Variants in EDIL3 observed in about 807,000 individuals in gnomAD.
The protein encoded by EDIL3 is EGF-like repeat and discoidin I-like domain-containing protein 3.
A neutral mutation model predicts 67.4 loss-of-function variants in EDIL3; 37 were observed. The observed-to-expected ratio is 0.55, with a 90% CI of 0.42 to 0.72. The LOEUF (loss-of-function observed/expected upper bound fraction) is 0.72, where lower values mean the gene tolerates loss of function less well. EDIL3 is among the 30% of genes least tolerant of loss of function. The pLI is 0.00. For missense variants in EDIL3, 527 were observed against 586.3 expected (o/e 0.90, Z 1.04); for synonymous variants, 195 against 196.3 (o/e 0.99, Z 0.05).
chr5:84,048,117 A>G (rs1306618563), intron 9 of EDIL3: 2 of 306,732 alleles, frequency 6.5e-6, no homozygotes, highest in African/African-American at 4.5e-5. Context: ...TACAAGTTTC[A>G]TTACTTGACC....
At chr5:83,989,831 C>G (rs539034484) in intron 9 of EDIL3, among the ~76,000 whole-genome samples, 26 of 152,236 alleles carry the variant, frequency 1.7e-4, no homozygotes, top group Admixed American at 9.8e-4. Flanking sequence ...CAGACTGGAG[C>G]TAGAGTTTCT....
At chr5:84,271,462 T>G in intron 1 of EDIL3, among the ~76,000 whole-genome samples, 1 of 138,528 alleles carries the variant, frequency 7.2e-6, no homozygotes, top group Non-Finnish European at 1.6e-5. Flanking sequence ...TAAATAAATA[T>G]AAAATAAAGG....
intron 1 of EDIL3, among the ~76,000 whole-genome samples, chr5:84,337,034 A>G (rs905406991): frequency 6.6e-6 from 1 of 152,160 alleles, no homozygotes; most frequent in Non-Finnish European, 1.5e-5. Context: ...TTCACTGCAC[A>G]AGAGTACACC....
At chr5:84,010,377 T>G (rs1000015828) in intron 9 of EDIL3, among the ~76,000 whole-genome samples, 16 of 152,172 alleles carry the variant, frequency 1.1e-4, no homozygotes, top group Non-Finnish European at 2.2e-4. Flanking sequence ...TTTATAACAT[T>G]TTGCTTGTGT....
At chr5:84,039,103 A>G (rs116658805) in intron 9 of EDIL3, among the ~76,000 whole-genome samples, 3,763 of 143,912 alleles carry the variant, frequency 0.026, 154 homozygotes, top group African/African-American at 0.1. Flanking sequence ...AATCCTAAAG[A>G]CTGTGTTTTT....
chr5:84,057,808 T>G (rs998017659), intron 9 of EDIL3, among the ~76,000 whole-genome samples: 1 of 152,136 alleles, frequency 6.6e-6, no homozygotes, highest in Non-Finnish European at 1.5e-5. Flanking sequence ...ATTCAACAAA[T>G]CTTTATGGAA....
intron 9 of EDIL3, among the ~76,000 whole-genome samples, chr5:83,981,143 G>A (rs1580263621): frequency 6.6e-6 from 1 of 152,000 alleles, no homozygotes; most frequent in Non-Finnish European, 1.5e-5. Flanking sequence ...AACTGATCCT[G>A]AAATTCATAT....
At chr5:84,249,657 G>A (rs549055345) in intron 2 of EDIL3, among the ~76,000 whole-genome samples, 27 of 151,942 alleles carry the variant, frequency 1.8e-4, no homozygotes, top group African/African-American at 5.6e-4. Flanking sequence ...CTTTGATTAC[G>A]TTAATATACT....
intron 4 of EDIL3, among the ~76,000 whole-genome samples, chr5:84,140,736 A>G (rs1373651921): frequency 1.3e-5 from 2 of 152,152 alleles, no homozygotes; most frequent in Non-Finnish European, 2.9e-5. Context: ...AACTACTTAA[A>G]TCTAAATTCA....
intron 2 of EDIL3, among the ~76,000 whole-genome samples, chr5:84,242,181 G>T (rs1309277364): frequency 6.6e-6 from 1 of 151,206 alleles, no homozygotes; most frequent in Non-Finnish European, 1.5e-5. Flanking sequence ...GCAGTGAGCC[G>T]AGATCACGCC....
At chr5:84,265,837 CA>C (rs1745336904) in intron 1 of EDIL3, among the ~76,000 whole-genome samples, 1 of 152,120 alleles carries the variant, frequency 6.6e-6, no homozygotes, top group African/African-American at 2.4e-5. Context: ...GAGTTCTTGA[CA>C]AGGAAAGACA....
At chr5:84,194,200 T>C (rs1244472822) in intron 3 of EDIL3, among the ~76,000 whole-genome samples, 2 of 151,930 alleles carry the variant, frequency 1.3e-5, no homozygotes, top group African/African-American at 4.8e-5. Context: ...CATGTTTTCA[T>C]ATTTACCTAG....
chr5:84,204,384 C>G (rs1743913974), intron 3 of EDIL3, among the ~76,000 whole-genome samples: 1 of 152,106 alleles, frequency 6.6e-6, no homozygotes, highest in South Asian at 2.1e-4. Flanking sequence ...TTTACTTTTC[C>G]TTTATTCTCA....
intron 3 of EDIL3, among the ~76,000 whole-genome samples, chr5:84,225,722 C>T (rs1290312262): frequency 1.3e-5 from 2 of 151,380 alleles, no homozygotes; most frequent in Non-Finnish European, 3.0e-5. Context: ...TAGATCATAA[C>T]TATTGAATTA....
At chr5:84,048,217 A>G (rs746774097) in intron 9 of EDIL3, 7 of 428,946 alleles carry the variant, frequency 1.6e-5, no homozygotes, top group South Asian at 1.2e-4. Flanking sequence ...CATATTGACA[A>G]ATGTTTCCAG....
chr5:84,190,587 A>G (rs202021880), intron 3 of EDIL3, among the ~76,000 whole-genome samples: 27,720 of 86,340 alleles, frequency 0.32, 2,936 homozygotes, highest in African/African-American at 0.45. Flanking sequence ...GTGTATATAT[A>G]TATATATATA....
At chr5:84,077,853 CT>C (rs34699251) in intron 6 of EDIL3, among the ~76,000 whole-genome samples, 34,636 of 148,086 alleles carry the variant, frequency 0.23, 4,058 homozygotes, top group East Asian at 0.36. Context: ...TTTTCTTCCT[CT>C]TTTTTTTTTG....
At chr5:84,053,887 G>A (rs1460634909) in intron 9 of EDIL3, among the ~76,000 whole-genome samples, 3 of 152,170 alleles carry the variant, frequency 2.0e-5, no homozygotes, top group African/African-American at 4.8e-5. Flanking sequence ...GTACAAGGAG[G>A]AGATGGTACC....
chr5:84,044,152 G>C (rs968144738), intron 9 of EDIL3, among the ~76,000 whole-genome samples: 3 of 152,036 alleles, frequency 2.0e-5, no homozygotes, highest in African/African-American at 4.8e-5. Context: ...GTGAGAATAT[G>C]CGGTGTTTGG....
Sources: gnomAD v4.1 joint callset for allele counts (sites outside exome capture counted in the v4.1 genomes callset) on GRCh38, gnomAD v4.1.1 for gene constraint, MANE v1.5 for transcripts, NCBI Gene and HGNC (gene_info 2026-07-23, HGNC 2026-07-21) for gene names.